Variants in CNTNAP2 observed in about 807,000 individuals in gnomAD.
CNTNAP2 encodes the protein contactin associated protein 2, also known as contactin-associated protein-like 2.
In CNTNAP2, 98 loss-of-function variants were observed where a neutral mutation model predicts 155.2. That is an observed-to-expected ratio of 0.63 (90% CI 0.54 to 0.75). The LOEUF is 0.75. Ranked by LOEUF, CNTNAP2 falls within the 30% of genes least tolerant of loss-of-function variation. The pLI, the probability that CNTNAP2 is intolerant of heterozygous loss-of-function variation, is 0.00. For synonymous variants in CNTNAP2, 651 were observed against 631.2 expected, an observed-to-expected ratio of 1.03 and a Z score of -0.47; for missense variants, 1,727 against 1,688.1, an observed-to-expected ratio of 1.02 and a Z score of -0.40.
intron 1 of CNTNAP2, among the ~76,000 whole-genome samples, chr7:146,196,413 G>C (rs1404994620): frequency 6.6e-6 from 1 of 152,130 alleles, no homozygotes; most frequent in Non-Finnish European, 1.5e-5. Flanking sequence ...AAAGAAATGA[G>C]CACCAGCCAA....
At chr7:147,823,250 T>C (rs1235996841) in intron 13 of CNTNAP2, among the ~76,000 whole-genome samples, 2 of 152,196 alleles carry the variant, frequency 1.3e-5, no homozygotes, top group African/African-American at 4.8e-5. Context: ...GGAAACCCAA[T>C]TGTAATCAGC....
chr7:148,328,449 C>T (rs1053005793), intron 21 of CNTNAP2, among the ~76,000 whole-genome samples: 3 of 152,236 alleles, frequency 2.0e-5, no homozygotes, highest in East Asian at 1.9e-4. Flanking sequence ...TGTGGGTCAG[C>T]GTGCTGTTGT....
At chr7:146,535,284 T>TATTATATATGATATATGATATA (rs1797845553) in intron 1 of CNTNAP2, among the ~76,000 whole-genome samples, 1 of 55,576 alleles carries the variant, frequency 1.8e-5, no homozygotes, top group East Asian at 6.1e-4. Context: ...TATATTATAT[T>TATTATATATGATATATGATATA]ATATAATGTA....
At chr7:146,483,169 G>A (rs188316465) in intron 1 of CNTNAP2, among the ~76,000 whole-genome samples, 5 of 149,420 alleles carry the variant, frequency 3.3e-5, no homozygotes, top group African/African-American at 9.8e-5. Context: ...TCAGCTACTC[G>A]GGGGGCTGAG....
chr7:147,264,970 G>A (rs1038927645), intron 8 of CNTNAP2, among the ~76,000 whole-genome samples: 2 of 152,028 alleles, frequency 1.3e-5, no homozygotes, highest in African/African-American at 4.8e-5. Flanking sequence ...AGCCTTCTGC[G>A]AAGTTCAATA....
intron 13 of CNTNAP2, among the ~76,000 whole-genome samples, chr7:147,711,643 A>G (rs148698668): frequency 0.016 from 2,510 of 152,278 alleles, 225 homozygotes; most frequent in Admixed American, 0.15. Context: ...TCTATACAAA[A>G]TGTCTCATGA....
chr7:146,577,523 T>C (rs979585588), intron 1 of CNTNAP2, among the ~76,000 whole-genome samples: 1 of 152,120 alleles, frequency 6.6e-6, no homozygotes, highest in African/African-American at 2.4e-5. Flanking sequence ...TAATTAGACT[T>C]TTAAATTTTT....
intron 1 of CNTNAP2, among the ~76,000 whole-genome samples, chr7:146,601,099 C>T (rs1798943157): frequency 6.6e-6 from 1 of 152,038 alleles, no homozygotes; most frequent in African/African-American, 2.4e-5. Context: ...ATATATCTCC[C>T]CTGATATCTT....
At chr7:147,022,609 T>C (rs939443786) in intron 3 of CNTNAP2, among the ~76,000 whole-genome samples, 3 of 126,286 alleles carry the variant, frequency 2.4e-5, no homozygotes, top group Non-Finnish European at 4.7e-5. Flanking sequence ...AAACACATGG[T>C]TTTTTTTTTT....
chr7:147,342,555 A>G (rs1241894920), intron 9 of CNTNAP2, among the ~76,000 whole-genome samples: 1 of 152,206 alleles, frequency 6.6e-6, no homozygotes, highest in Admixed American at 6.5e-5. Context: ...AGAAGATTCT[A>G]TACTTATATG....
intron 8 of CNTNAP2, among the ~76,000 whole-genome samples, chr7:147,182,218 A>G (rs980204931): frequency 6.6e-6 from 1 of 152,108 alleles, no homozygotes; most frequent in African/African-American, 2.4e-5. Context: ...AAAGCCTGTT[A>G]ACTCTAATTA....
intron 1 of CNTNAP2, among the ~76,000 whole-genome samples, chr7:146,344,548 C>A (rs952649513): frequency 9.1e-6 from 1 of 109,548 alleles, no homozygotes; most frequent in Non-Finnish European, 1.7e-5. Context: ...GGCATGATCT[C>A]GGCTCACTTC....
intron 1 of CNTNAP2, among the ~76,000 whole-genome samples, chr7:146,169,092 C>T (rs1419748176): frequency 2.0e-5 from 3 of 152,204 alleles, no homozygotes; most frequent in Non-Finnish European, 4.4e-5. Context: ...CCACTTTCTG[C>T]TATCAGTTCA....
rs191899828 is a variant in CNTNAP2, at chr7:146,443,075, G to T, written c.97+326102G>T. ...AAATACAAAAAAAAATTAGCTGGGC[G>T]TGGTGGCGGGCGACTGTAGTCCCAG... On this transcript the variant is annotated intron_variant, in intron 1 of 23. Coordinates refer to ENST00000361727, the MANE Select transcript of CNTNAP2 (RefSeq NM_014141.6). 1.6e-3 allele frequency among the ~76,000 whole-genome samples: 246 copies of T among 151,858 alleles called. 1 individual carries two copies. Among genetic ancestry groups the T allele is most frequent in the African/African-American group, 5.8e-3 (239 of 41,448 alleles).
chr7:146,700,069 C>T (rs1008477332), intron 1 of CNTNAP2, among the ~76,000 whole-genome samples: 20 of 152,188 alleles, frequency 1.3e-4, no homozygotes, highest in African/African-American at 4.8e-4. Context: ...CCACCTTTAA[C>T]TGAAGAACTT....
chr7:147,747,117 C>A (rs1054587994), intron 13 of CNTNAP2, among the ~76,000 whole-genome samples: 2 of 152,200 alleles, frequency 1.3e-5, no homozygotes, highest in Non-Finnish European at 2.9e-5. Context: ...ATTCTATCCA[C>A]ATGAACTCAC....
At chr7:147,833,185 A>G (rs898233884) in intron 13 of CNTNAP2, among the ~76,000 whole-genome samples, 4 of 151,340 alleles carry the variant, frequency 2.6e-5, no homozygotes, top group Non-Finnish European at 5.9e-5. Context: ...ACAACAAAAT[A>G]GGGGTATAAA....
At chr7:147,860,503 T>A (rs1422473434) in intron 13 of CNTNAP2, among the ~76,000 whole-genome samples, 1 of 150,430 alleles carries the variant, frequency 6.6e-6, no homozygotes, top group Non-Finnish European at 1.5e-5. Flanking sequence ...GGCATGAGAA[T>A]CACTTGAACC....
At chr7:146,824,476 A>G (rs1585108808) in intron 2 of CNTNAP2, among the ~76,000 whole-genome samples, 2 of 152,126 alleles carry the variant, frequency 1.3e-5, no homozygotes, top group African/African-American at 2.4e-5. Context: ...GTGTTCCACA[A>G]TGGTTGAACT....
Sources: allele counts gnomAD v4.1 joint callset (sites outside exome capture counted in the v4.1 genomes callset), GRCh38; gene constraint gnomAD v4.1.1; transcripts MANE v1.5; gene names NCBI Gene and HGNC (gene_info 2026-07-23, HGNC 2026-07-21).